The following KLHL14 variants were observed in gnomAD, a reference collection of about 807,000 sequenced individuals.
KLHL14 encodes the protein kelch-like protein 14.
In KLHL14, 22 loss-of-function variants were observed where a neutral mutation model predicts 64.3. The ratio of observed to expected loss-of-function variants is 0.34; its 90% confidence interval spans 0.24 to 0.49. KLHL14 has a LOEUF of 0.49. Among genes scored for constraint, KLHL14 ranks in the 20% least tolerant of loss-of-function variants. KLHL14 has a pLI of 0.99. For synonymous variants in KLHL14, 322 were observed against 333.4 expected (o/e 0.97, Z 0.37); for missense variants, 661 against 789.0 (o/e 0.84, Z 1.94).
At chr18:32,684,434 G>C (rs773432978) in intron 5 of KLHL14, among the ~76,000 whole-genome samples, 16 of 151,854 alleles carry the variant, frequency 1.1e-4, no homozygotes, top group Non-Finnish European at 2.1e-4. Context: ...AGTGGGAAAA[G>C]GCAAATCTTA....
intron 3 of KLHL14, among the ~76,000 whole-genome samples, chr18:32,718,937 G>A (rs1036161172): frequency 2.0e-5 from 3 of 152,068 alleles, no homozygotes; most frequent in African/African-American, 7.2e-5. Flanking sequence ...TAATTTGATG[G>A]GAACATGAAC....
At chr18:32,677,467 C>T in intron 7 of KLHL14, 137 bp from the exon 8 acceptor site, 1 of 785,516 alleles carries the variant, frequency 1.3e-6, no homozygotes, top group African/African-American at 1.8e-5. Flanking sequence ...CATAAATTCA[C>T]TGAGATTGGG....
At chr18:32,750,971 T>C (rs1225298918) in intron 2 of KLHL14, among the ~76,000 whole-genome samples, 1 of 152,156 alleles carries the variant, frequency 6.6e-6, no homozygotes, top group Non-Finnish European at 1.5e-5. Flanking sequence ...CTCTTTCCTT[T>C]CTCTCTTTTT....
At chr18:32,725,838 T>C (rs2050105242) in intron 3 of KLHL14, among the ~76,000 whole-genome samples, 1 of 152,268 alleles carries the variant, frequency 6.6e-6, no homozygotes, top group Non-Finnish European at 1.5e-5. Flanking sequence ...CTGAGTTTAA[T>C]TCTTGGCTTT....
chr18:32,716,323 T>A (rs942059502), intron 3 of KLHL14, among the ~76,000 whole-genome samples: 3 of 152,016 alleles, frequency 2.0e-5, no homozygotes, highest in Admixed American at 2.0e-4. Context: ...TTATCAATCA[T>A]GTATCAGCTG....
Position 32,674,556 on chromosome 18 carries a change from G to T in KLHL14, c.*101C>A. The T allele has an allele frequency of 4.4e-6, 3 of 677,518 alleles. No homozygotes were observed. Among genetic ancestry groups the T allele is most frequent in the Non-Finnish European group, 8.2e-6 (3 of 367,756 alleles). The allele number at this position is 677,518 out of a possible 1,614,324, so 42.0% of individuals were successfully genotyped here. A position where few individuals can be genotyped will look rare whatever the true frequency, so the allele number is the denominator to read the frequency against. ...TCATCAGAAACCAAGGGTGGGTTTTGGCAGTTGTACCATTAGAATGCATTG... is the reference window on the plus strand; with the variant it reads ...TCATCAGAAACCAAGGGTGGGTTTTTGCAGTTGTACCATTAGAATGCATTG... On this transcript the variant is annotated 3_prime_UTR_variant, in exon 9 of 9. Transcript: ENST00000359358.
intron 5 of KLHL14, among the ~76,000 whole-genome samples, chr18:32,685,105 G>A (rs967521722): frequency 3.9e-5 from 6 of 151,936 alleles, no homozygotes; most frequent in East Asian, 3.9e-4. Context: ...AGAAAGAAAC[G>A]TTAAACAGTC....
At chr18:32,705,525 C>A (rs1305344481) in intron 3 of KLHL14, among the ~76,000 whole-genome samples, 3 of 151,958 alleles carry the variant, frequency 2.0e-5, no homozygotes, top group African/African-American at 4.8e-5. Flanking sequence ...GAGTTTGAGA[C>A]CAGCCTGGCC....
At position 32,683,116 on chromosome 18, in the gene KLHL14, G is replaced by A. The variant is rs2049851155; in HGVS notation, c.1239-2517C>T. The stretch of plus-strand genomic sequence containing the variant: ...AACTCATTTTCTTGTCTAAAATTCA[G>A]TTTTTTTTCACTTTTTATGATCTGG... On this transcript the variant is annotated intron_variant, in intron 5 of 8. Transcript: ENST00000359358. This position sits in a 1 kb window ranked among gnomAD's most constrained non-coding sequence, Gnocchi z 4.2. Among the ~76,000 whole-genome samples the A allele has an allele frequency of 6.6e-6, 1 of 151,746 alleles. No individual in the cohort carries two copies. The highest frequency in any genetic ancestry group is 2.4e-5 in the African/African-American group (1 of 41,292).
chr18:32,735,024 G>A (rs148566796), intron 3 of KLHL14, among the ~76,000 whole-genome samples: 23 of 152,250 alleles, frequency 1.5e-4, no homozygotes, highest in East Asian at 1.2e-3. Flanking sequence ...TCACTTACAC[G>A]TCATAATTTG....
At chr18:32,687,924 G>A (rs1481894307) in intron 4 of KLHL14, among the ~76,000 whole-genome samples, 1 of 152,146 alleles carries the variant, frequency 6.6e-6, no homozygotes, top group Non-Finnish European at 1.5e-5. Context: ...TAAGTTCTGT[G>A]TGTGTATTTG....
chr18:32,753,337 C>A (rs2050266009), intron 2 of KLHL14, among the ~76,000 whole-genome samples: 3 of 152,154 alleles, frequency 2.0e-5, no homozygotes, highest in Admixed American at 2.0e-4. Flanking sequence ...AGATCAACAA[C>A]TTTGTTGGCT....
At chr18:32,748,092 C>T (rs1168157877) in intron 2 of KLHL14, among the ~76,000 whole-genome samples, 4 of 152,202 alleles carry the variant, frequency 2.6e-5, no homozygotes, top group Non-Finnish European at 2.9e-5. Flanking sequence ...TGGAAGCCAT[C>T]AGAATCTTTG....
chr18:32,739,244 A>G (rs563901483), intron 3 of KLHL14, among the ~76,000 whole-genome samples: 4 of 152,130 alleles, frequency 2.6e-5, no homozygotes, highest in Non-Finnish European at 5.9e-5. Context: ...ATGGCAGTGG[A>G]AAGTTCTCCA....
rs2049816043 is a variant in KLHL14, at chr18:32,677,261, T to G, written c.1658A>C (p.Gln553Pro). 6.2e-7 allele frequency: 1 copy of G among 1,613,568 alleles called. No individual in the cohort carries two copies. The highest frequency in any genetic ancestry group is 8.5e-7 in the Non-Finnish European group (1 of 1,179,710). Residue 553 changes from glutamine (Q) to proline (P), a missense_variant, in exon 8 of 9, where the codon CAA becomes CCA. Physicochemically the swap from Gln to Pro is moderately conservative, Grantham distance 76. This residue lies in a region of KLHL14 where 330 missense variants were observed against 450.0 expected (regional missense o/e 0.73). Coordinates refer to ENST00000359358, the MANE Select transcript of KLHL14 (RefSeq NM_020805.3). Reference sequence around the variant, plus strand: ...ACTTCGACCCTCCAAAATGGGAGTTTGGAGTATATTCCACTGGTCACCTTT... The same window carrying G: ...ACTTCGACCCTCCAAAATGGGAGTTGGGAGTATATTCCACTGGTCACCTTT... ...DPKGDQWNILQTPILEGRSGP... is the reference protein window; with the variant it reads ...DPKGDQWNILPTPILEGRSGP...
At chr18:32,702,066 A>G (rs2049968844) in intron 3 of KLHL14, among the ~76,000 whole-genome samples, 1 of 152,092 alleles carries the variant, frequency 6.6e-6, no homozygotes, top group South Asian at 2.1e-4. Flanking sequence ...ATCCATTTGT[A>G]TTTTATACAT....
intron 2 of KLHL14, among the ~76,000 whole-genome samples, chr18:32,763,369 A>G (rs2050324445): frequency 6.6e-6 from 1 of 152,146 alleles, no homozygotes; most frequent in African/African-American, 2.4e-5. Context: ...GGAACTTTTA[A>G]TGACTTTTGT....
rs147624467 is a variant in KLHL14 at position 32,733,917 on chromosome 18, C to T, written c.1069+8011G>A. 3,794 of 499,186 alleles carry T rather than the reference C, an allele frequency of 7.6e-3. 27 individuals carry two copies. Among genetic ancestry groups the T allele is most frequent in the Non-Finnish European group, 0.011 (2,940 of 276,336 alleles). 30.9% of individuals were successfully genotyped at this position (499,186 alleles called of 1,614,324 possible). On this transcript the variant is annotated intron_variant, in intron 3 of 8. Transcript: ENST00000359358. ...GGGTGATCCTGTCCCTATTCCATCA[C>T]GGTGCATTATGTGTGAGGGACCAGA...
intron 2 of KLHL14, among the ~76,000 whole-genome samples, chr18:32,760,985 T>C (rs1230301204): frequency 6.6e-6 from 1 of 152,248 alleles, no homozygotes; most frequent in Non-Finnish European, 1.5e-5. Flanking sequence ...ATATCATGAA[T>C]ATGTCCTAGT....
Sources: gnomAD v4.1 joint callset for allele counts (sites outside exome capture counted in the v4.1 genomes callset) on GRCh38, gnomAD v4.1.1 for gene constraint, gnomAD v4.1.1 regional missense constraint, Gnocchi (gnomAD v3.1) non-coding constraint, MANE v1.5 for transcripts, NCBI Gene and HGNC (gene_info 2026-07-23, HGNC 2026-07-21) for gene names.